PARN: variants seen among roughly 807,000 people sequenced by gnomAD.
PARN encodes poly(A)-specific ribonuclease.
Under a neutral mutation model 102.8 loss-of-function variants are expected in PARN, and 71 were observed. The ratio of observed to expected loss-of-function variants is 0.69; its 90% CI spans 0.57 to 0.84. The LOEUF (loss-of-function observed/expected upper bound fraction) is 0.84, where lower values mean the gene tolerates loss of function less well. Among genes scored for constraint, PARN ranks in the 40% least tolerant of loss-of-function variants. PARN has a pLI of 0.00. For missense variants in PARN, 782 were observed against 760.9 expected, an observed-to-expected ratio of 1.03 and a Z score of -0.33; for synonymous variants, 261 against 252.9, an observed-to-expected ratio of 1.03 and a Z score of -0.30.
At chr16:14,437,695 C>T (rs968556197) in intron 23 of PARN, among the ~76,000 whole-genome samples, 5 of 152,136 alleles carry the variant, frequency 3.3e-5, no homozygotes, top group African/African-American at 4.8e-5. Context: ...GTAGGGCTGA[C>T]GGGGGAAACT....
intron 21 of PARN, among the ~76,000 whole-genome samples, chr16:14,548,391 G>T (rs946819767): frequency 1.1e-4 from 17 of 152,272 alleles, no homozygotes; most frequent in Admixed American, 4.6e-4. Context: ...CAGCTAAAGA[G>T]CAGAGACATT....
chr16:14,561,164 A>G (rs1010116945), intron 18 of PARN, among the ~76,000 whole-genome samples: 2 of 152,020 alleles, frequency 1.3e-5, no homozygotes, highest in Non-Finnish European at 2.9e-5. Context: ...TCTCAAAAAA[A>G]AAAAAAAAAA....
At chr16:14,470,714 A>C (rs1962686442) in intron 22 of PARN, among the ~76,000 whole-genome samples, 3 of 152,106 alleles carry the variant, frequency 2.0e-5, no homozygotes, top group Admixed American at 2.0e-4. Flanking sequence ...CCATCTCAGC[A>C]TTCCAAAGGG....
At chr16:14,566,463 G>T (rs1968437852) in intron 18 of PARN, among the ~76,000 whole-genome samples, 1 of 152,182 alleles carries the variant, frequency 6.6e-6, no homozygotes, top group South Asian at 2.1e-4. Context: ...GCCTCTGGAG[G>T]GAGCTCAGCA....
intron 21 of PARN, among the ~76,000 whole-genome samples, chr16:14,533,394 T>C (rs1260154590): frequency 1.6e-5 from 2 of 125,844 alleles, no homozygotes; most frequent in East Asian, 2.5e-4. Context: ...AGGGAGACCG[T>C]GGAAAGAGAG....
At chr16:14,534,820 G>A (rs1410308366) in intron 21 of PARN, among the ~76,000 whole-genome samples, 2 of 150,308 alleles carry the variant, frequency 1.3e-5, no homozygotes, top group African/African-American at 2.4e-5. Context: ...ATAATGTAAA[G>A]TTTCATTTCT....
Position 14,582,729 on chromosome 16 carries a change from AT to A in PARN, c.1082-439del, listed in dbSNP as rs1226451133. 4.6e-5 allele frequency among the ~76,000 whole-genome samples: 7 copies of A among 152,160 alleles called. No homozygotes were observed. The East Asian group carries it at 1.4e-3, about 29-fold the overall frequency. ...GGCTCTGGAGTCACACTGAGTTCGA[AT>A]CTCTGCTCCACCACTTATTTGCGGT... On this transcript the variant is annotated intron_variant, in intron 16 of 23. Transcript: ENST00000437198.
chr16:14,450,347 A>AT (rs1159554019), intron 22 of PARN, among the ~76,000 whole-genome samples: 1 of 152,232 alleles, frequency 6.6e-6, no homozygotes, highest in African/African-American at 2.4e-5. Flanking sequence ...TAGCTGCATG[A>AT]TAGCACTGGG....
At chr16:14,455,030 C>T (rs1961617459) in intron 22 of PARN, among the ~76,000 whole-genome samples, 1 of 152,162 alleles carries the variant, frequency 6.6e-6, no homozygotes, top group South Asian at 2.1e-4. Context: ...ACATTAAAAA[C>T]ACAGTAGCAC....
chr16:14,459,646 T>C lies in PARN; in HGVS notation c.1671-12565A>G, dbSNP rs553271185. 2.0e-3 allele frequency among the ~76,000 whole-genome samples: 304 copies of C among 152,332 alleles called. 3 individuals are homozygous for C. The highest frequency in any genetic ancestry group is 7.0e-3 in the African/African-American group (293 of 41,576). On this transcript the variant is annotated intron_variant, in intron 22 of 23. Transcript: ENST00000437198. ...CCAATCAAAGAGCTAGCAGACTTTT[T>C]GTAGAAACTGACAAACTGACTAAAA... is the stretch of plus-strand genomic sequence containing the variant.
chr16:14,533,841 CA>C, intron 21 of PARN, among the ~76,000 whole-genome samples: 1 of 152,334 alleles, frequency 6.6e-6, no homozygotes, highest in African/African-American at 2.4e-5. Flanking sequence ...CACCTGCCTG[CA>C]CCACAAGACA....
intron 22 of PARN, among the ~76,000 whole-genome samples, chr16:14,453,075 T>C (rs1376162664): frequency 6.6e-6 from 1 of 152,158 alleles, no homozygotes; most frequent in African/African-American, 2.4e-5. Context: ...GGCAAAACAA[T>C]CTCCCATTTG....
chr16:14,525,284 T>C (rs557373261), intron 21 of PARN, among the ~76,000 whole-genome samples: 1 of 152,312 alleles, frequency 6.6e-6, no homozygotes, highest in South Asian at 2.1e-4. Flanking sequence ...TAAGGATGTC[T>C]CTGGAAAACT....
chr16:14,600,908 T>C (rs560577290), intron 11 of PARN, among the ~76,000 whole-genome samples: 6 of 152,236 alleles, frequency 3.9e-5, no homozygotes, highest in African/African-American at 1.4e-4. Flanking sequence ...CACTCCAGCC[T>C]GGGCAACAAG....
chr16:14,533,421 CGGAGAGGGAGAG>C (rs150202084), intron 21 of PARN, among the ~76,000 whole-genome samples: 603 of 23,974 alleles, frequency 0.025, 25 homozygotes, highest in East Asian at 0.053. Flanking sequence ...CGTGGGGAGA[CGGAGAGGGAGAG>C]GGAGAGGGAG....
rs148245740 is a variant in PARN at position 14,474,954 on chromosome 16, T to C, written c.1670+7684A>G. Among the ~76,000 whole-genome samples, 43 of 152,372 alleles carry C rather than the reference T, an allele frequency of 2.8e-4. No homozygotes were observed. The East Asian group carries it at 7.9e-3, about 28-fold the overall frequency. ...CTTCTAATGTAATACATATATTCAG[T>C]TACTTTCAGAAACCACTAGCTGCAG... On this transcript the variant is annotated intron_variant, in intron 22 of 23. Coordinates refer to ENST00000437198, the MANE Select transcript of PARN (RefSeq NM_002582.4).
At chr16:14,576,994 T>C (rs1969183988) in intron 18 of PARN, among the ~76,000 whole-genome samples, 2 of 152,236 alleles carry the variant, frequency 1.3e-5, no homozygotes, top group East Asian at 3.8e-4. Flanking sequence ...TAACTGATGC[T>C]ACTAAATGCT....
chr16:14,609,414 C>A (rs1971383662), intron 7 of PARN, among the ~76,000 whole-genome samples: 1 of 151,904 alleles, frequency 6.6e-6, no homozygotes, highest in Admixed American at 6.6e-5. Flanking sequence ...AAAAATAAAT[C>A]TTAAAAATTA....
intron 8 of PARN, among the ~76,000 whole-genome samples, 171 bp from the exon 9 acceptor site, chr16:14,608,490 C>T (rs139834305): frequency 2.0e-5 from 3 of 152,194 alleles, no homozygotes; most frequent in African/African-American, 7.2e-5. Context: ...TTCCTCATCA[C>T]TTGTCTTCTA....
Sources: gnomAD v4.1 joint callset for allele counts (sites outside exome capture counted in the v4.1 genomes callset) on GRCh38, gnomAD v4.1.1 for gene constraint, MANE v1.5 for transcripts, NCBI Gene and HGNC (gene_info 2026-07-23, HGNC 2026-07-21) for gene names.